Variants in CMSS1 observed in about 807,000 individuals in gnomAD.
CMSS1 encodes cms1 ribosomal small subunit homolog, also known as protein CMSS1.
A neutral mutation model predicts 43.5 loss-of-function variants in CMSS1; 33 were observed. The ratio of observed to expected loss-of-function variants is 0.76; its 90% confidence interval spans 0.57 to 1.01. The LOEUF is 1.01. Among genes scored for constraint, CMSS1 ranks in the 50% least tolerant of loss-of-function variants. The probability of loss-of-function intolerance (pLI) is 0.00; values close to 1 mark genes in which losing one functional copy is unlikely to be tolerated. For missense variants in CMSS1, 313 were observed against 326.4 expected, an observed-to-expected ratio of 0.96 and a Z score of 0.32; for synonymous variants, 115 against 117.2, an observed-to-expected ratio of 0.98 and a Z score of 0.12.
At chr3:100,115,574 T>C (rs147242535) in intron 1 of CMSS1, among the ~76,000 whole-genome samples, 6,062 of 119,388 alleles carry the variant, frequency 0.051, 151 homozygotes, top group Non-Finnish European at 0.068. Context: ...TCTCTCTCTC[T>C]GTCTCTCTCT....
chr3:100,156,370 G>A (rs1272824298), intron 2 of CMSS1, among the ~76,000 whole-genome samples: 3 of 130,010 alleles, frequency 2.3e-5, no homozygotes, highest in African/African-American at 2.9e-5. Flanking sequence ...GTTCAGTGAC[G>A]CAATCTTGGC....
At chr3:99,840,024 G>T (rs572792638) in intron 1 of CMSS1, among the ~76,000 whole-genome samples, 2 of 152,188 alleles carry the variant, frequency 1.3e-5, no homozygotes, top group African/African-American at 4.8e-5. Context: ...AGATATTATT[G>T]TCACAGTTGG....
chr3:99,913,818 A>T (rs952381409), intron 1 of CMSS1, among the ~76,000 whole-genome samples: 1 of 152,274 alleles, frequency 6.6e-6, no homozygotes, highest in African/African-American at 2.4e-5. Context: ...GAAAAAACGT[A>T]GAAAACACAT....
chr3:100,179,354 C>G lies in CMSS1; in HGVS notation c.*966C>G, dbSNP rs1348156931. The G allele has an allele frequency of 6.6e-6, 1 of 152,218 alleles. No homozygotes were observed. Among genetic ancestry groups the G allele is most frequent in the Non-Finnish European group, 1.5e-5 (1 of 68,052 alleles). 9.4% of individuals were successfully genotyped at this position (152,218 alleles called of 1,614,324 possible). A position where few individuals can be genotyped will look rare whatever the true frequency, so the allele number is the denominator to read the frequency against. ...GAAAAGTCCAACTCCAAAGTCTGAT[C>G]TGAGACAAGGCAACTTCCTTCCACC... is the stretch of plus-strand genomic sequence containing the variant. On this transcript the variant is annotated 3_prime_UTR_variant, in exon 10 of 10. Transcript: ENST00000421999.
In CMSS1 at chr3:100,178,476, A is replaced by G; in HGVS notation, c.*88A>G. On this transcript the variant is annotated 3_prime_UTR_variant, in exon 10 of 10. Transcript: ENST00000421999. Reference sequence around the variant, plus strand: ...GATACATTGCAAGCACTCAGTAAATATCAGCAAATAGTTTATGTTAATTGT... The same window carrying G: ...GATACATTGCAAGCACTCAGTAAATGTCAGCAAATAGTTTATGTTAATTGT... The G allele has an allele frequency of 1.3e-6, 1 of 758,622 alleles. No homozygotes were observed. Among genetic ancestry groups the G allele is most frequent in the Non-Finnish European group, 2.3e-6 (1 of 442,668 alleles). The allele number at this position is 758,622 out of a possible 1,614,324, so 47.0% of individuals were successfully genotyped here.
intron 1 of CMSS1, among the ~76,000 whole-genome samples, chr3:100,139,084 C>T (rs575684572): frequency 6.6e-6 from 1 of 152,160 alleles, no homozygotes; most frequent in South Asian, 2.1e-4. Flanking sequence ...AGCAAACTAA[C>T]CCAGGAACAG....
In CMSS1 at chr3:99,974,736, A is replaced by C. The variant is rs186247416; in HGVS notation, c.64+156693A>C. Among the ~76,000 whole-genome samples, 470 of 152,166 alleles carry C rather than the reference A, an allele frequency of 3.1e-3. 4 individuals are homozygous for C. Among genetic ancestry groups the C allele is most frequent in the African/African-American group, 0.011 (444 of 41,502 alleles). On this transcript the variant is annotated intron_variant, in intron 1 of 9. Transcript: ENST00000421999. ...ACAACAACAACAACAACAACAACAA[A>C]AACTCATGTTTGGAGTGGAAAAAAC...
intron 1 of CMSS1, among the ~76,000 whole-genome samples, chr3:99,983,772 GT>G (rs1341231956): frequency 6.6e-6 from 1 of 150,810 alleles, no homozygotes; most frequent in Non-Finnish European, 1.5e-5. Context: ...AATATTCCAT[GT>G]AACTCTACCT....
chr3:99,827,674 G>A (rs769119145), intron 1 of CMSS1, among the ~76,000 whole-genome samples: 3 of 151,816 alleles, frequency 2.0e-5, no homozygotes, highest in Non-Finnish European at 4.4e-5. Context: ...GCGCAATCTC[G>A]GCTCACTGCA....
rs974770105 is a variant in CMSS1, at chr3:100,180,063, C to A, written c.*1675C>A. 1 of 152,352 alleles carries A rather than the reference C, an allele frequency of 6.6e-6. No individual in the cohort carries two copies. The highest frequency in any genetic ancestry group is 2.4e-5 in the African/African-American group (1 of 41,474). The allele number at this position is 152,352 out of a possible 1,614,324, so 9.4% of individuals were successfully genotyped here. A position where few individuals can be genotyped will look rare whatever the true frequency, so the allele number is the denominator to read the frequency against. ...GTACCTTGGCCCCTTTTAGTCACAG[C>A]TGGAGCTGGGGCAGCTGGGAATTAG... On this transcript the variant is annotated 3_prime_UTR_variant, in exon 10 of 10. Coordinates refer to ENST00000421999, the MANE Select transcript of CMSS1 (RefSeq NM_032359.4).
chr3:100,030,132 A>G (rs1363017589), intron 1 of CMSS1, among the ~76,000 whole-genome samples: 1 of 152,188 alleles, frequency 6.6e-6, no homozygotes, highest in African/African-American at 2.4e-5. Context: ...ACACTTGCCT[A>G]AAGTCACACA....
chr3:99,926,890 T>C (rs57908758), intron 1 of CMSS1, among the ~76,000 whole-genome samples: 4,364 of 152,326 alleles, frequency 0.029, 188 homozygotes, highest in African/African-American at 0.096. Flanking sequence ...ATTTATTCCA[T>C]GACCCCCTAA....
rs969391933 is a variant in CMSS1 at position 99,996,147 on chromosome 3, G to C, written c.65-150826G>C. Among the ~76,000 whole-genome samples the C allele has an allele frequency of 3.3e-5, 5 of 152,094 alleles. No individual in the cohort carries two copies. In the South Asian group the frequency reaches 6.2e-4, roughly 19 times the overall value. ...AACTGAATGCCTATAACAGCACCCA[G>C]GTCACCTCTTGAATGCTTTGCTGCT... On this transcript the variant is annotated intron_variant, in intron 1 of 9. Coordinates refer to ENST00000421999, the MANE Select transcript of CMSS1 (RefSeq NM_032359.4).
At chr3:100,075,183 A>G (rs1471613532) in intron 1 of CMSS1, among the ~76,000 whole-genome samples, 1 of 152,220 alleles carries the variant, frequency 6.6e-6, no homozygotes, top group African/African-American at 2.4e-5. Flanking sequence ...ACCAGAAATG[A>G]TCAACCTGAA....
chr3:99,832,857 A>AT (rs1942736323), intron 1 of CMSS1, among the ~76,000 whole-genome samples: 1 of 139,334 alleles, frequency 7.2e-6, no homozygotes, highest in Non-Finnish European at 1.5e-5. Context: ...AAAAAAAAAA[A>AT]GTTGTTTTTT....
At chr3:99,894,843 G>A (rs148266774) in intron 1 of CMSS1, among the ~76,000 whole-genome samples, 4 of 152,266 alleles carry the variant, frequency 2.6e-5, no homozygotes, top group Non-Finnish European at 4.4e-5. Context: ...ATTACAGTAC[G>A]GAGTAGAGAA....
At chr3:99,961,372 A>G (rs1708485533) in intron 1 of CMSS1, among the ~76,000 whole-genome samples, 1 of 152,074 alleles carries the variant, frequency 6.6e-6, no homozygotes, top group African/African-American at 2.4e-5. Context: ...ATATACCTTA[A>G]AATGTAACCT....
At chr3:100,083,183 A>T (rs951158476) in intron 1 of CMSS1, among the ~76,000 whole-genome samples, 3 of 152,210 alleles carry the variant, frequency 2.0e-5, no homozygotes, top group African/African-American at 7.2e-5. Context: ...ATGCTTCAGG[A>T]TATTCAACAT....
At chr3:99,874,853 T>A (rs963415241) in intron 1 of CMSS1, among the ~76,000 whole-genome samples, 1 of 152,218 alleles carries the variant, frequency 6.6e-6, no homozygotes, top group Non-Finnish European at 1.5e-5. Flanking sequence ...CCTCAGTGGT[T>A]ATAGTGCTCT....
Sources: gnomAD v4.1 joint callset for allele counts (sites outside exome capture counted in the v4.1 genomes callset) on GRCh38, gnomAD v4.1.1 for gene constraint, MANE v1.5 for transcripts, NCBI Gene and HGNC (gene_info 2026-07-23, HGNC 2026-07-21) for gene names.